The following SGO2 variants were observed in gnomAD, a reference collection of about 807,000 sequenced individuals.
The protein encoded by SGO2 is shugoshin 2.
Under a neutral mutation model 99.5 loss-of-function variants are expected in SGO2, and 68 were observed. The observed-to-expected ratio is 0.68, with a 90% CI of 0.56 to 0.84. The LOEUF (loss-of-function observed/expected upper bound fraction) is 0.84, where lower values mean the gene tolerates loss of function less well. Among genes scored for constraint, SGO2 ranks in the 40% least tolerant of loss-of-function variants. The probability of loss-of-function intolerance (pLI) is 0.00; values close to 1 mark genes in which losing one functional copy is unlikely to be tolerated. For missense variants in SGO2, 1,350 were observed against 1,436.7 expected (o/e 0.94, Z 0.97); for synonymous variants, 457 against 487.1 (o/e 0.94, Z 0.81).
rs555681304 is a variant in SGO2 at position 200,571,214 on chromosome 2, C to T, written c.868C>T (p.Pro290Ser). 1.2e-6 allele frequency: 2 copies of T among 1,613,584 alleles called. No homozygotes were observed. Among genetic ancestry groups the T allele is most frequent in the Admixed American group, 3.3e-5 (2 of 59,990 alleles). The change falls in exon 7 of 9, where the codon CCC (proline) becomes TCC (serine). Residue 290 changes from proline (P) to serine (S), a missense_variant. Coordinates refer to ENST00000357799, the MANE Select transcript of SGO2 (RefSeq NM_152524.6). Reference protein sequence around the residue: ...WESNNLSADTPCATVLDKQHI... With the variant: ...WESNNLSADTSCATVLDKQHI... ...ATCAAATAATCTTTCTGCAGACACT[C>T]CCTGTGCAACAGTTTTAGATAAACA...
At chr2:200,535,319 A>G (rs1275380847) in intron 3 of SGO2, 148 bp downstream of exon 3, 4 of 639,336 alleles carry the variant, frequency 6.3e-6, no homozygotes, top group South Asian at 5.7e-5. Context: ...GTCAAAGTAC[A>G]AACTGTTAAT....
intron 5 of SGO2, among the ~76,000 whole-genome samples, chr2:200,563,351 G>A (rs1176848070): frequency 6.6e-6 from 1 of 152,124 alleles, no homozygotes; most frequent in Non-Finnish European, 1.5e-5. Flanking sequence ...TTTATATGCT[G>A]GATTACGTTT....
intron 5 of SGO2, among the ~76,000 whole-genome samples, chr2:200,552,947 AC>A (rs1187704018): frequency 4.0e-5 from 6 of 150,674 alleles, no homozygotes; most frequent in Admixed American, 1.3e-4. Flanking sequence ...ACACATCCGC[AC>A]CCCCCCGCCC....
At chr2:200,565,347 C>A (rs2033144957) in intron 5 of SGO2, among the ~76,000 whole-genome samples, 1 of 152,174 alleles carries the variant, frequency 6.6e-6, no homozygotes, top group Non-Finnish European at 1.5e-5. Flanking sequence ...ATATGAAATT[C>A]TGGGTTGAAA....
At chr2:200,569,511 A>C in intron 5 of SGO2, 152 bp from the exon 6 acceptor site, 1 of 604,892 alleles carries the variant, frequency 1.7e-6, no homozygotes, top group Non-Finnish European at 2.9e-6. Context: ...GGAACTACTC[A>C]TTTCCTACCT....
At chr2:200,543,491 CTGT>C (rs2032061970) in intron 5 of SGO2, 1 of 152,138 alleles carries the variant, frequency 6.6e-6, no homozygotes, top group African/African-American at 2.4e-5. Context: ...GACCAAAATC[CTGT>C]TGTCTCTTTT....
intron 4 of SGO2, among the ~76,000 whole-genome samples, chr2:200,540,570 G>A (rs10171193): frequency 0.011 from 1,692 of 152,280 alleles, 37 homozygotes; most frequent in African/African-American, 0.038. Context: ...ATAATGAAGG[G>A]GGGAGGTTGT....
intron 4 of SGO2, among the ~76,000 whole-genome samples, chr2:200,539,546 A>G (rs765610741): frequency 3.3e-5 from 5 of 151,440 alleles, no homozygotes; most frequent in African/African-American, 9.7e-5. Context: ...TTTGTGGTTC[A>G]TTGTTACTTT....
chr2:200,534,449 G>T (rs1392657178), intron 2 of SGO2, among the ~76,000 whole-genome samples: 2 of 152,158 alleles, frequency 1.3e-5, no homozygotes, highest in African/African-American at 4.8e-5. Context: ...GGTCCCGTGG[G>T]GTTTAGATTA....
chr2:200,544,692 G>GATCGATCTATCTATCTATCT (rs1553558884), intron 5 of SGO2, among the ~76,000 whole-genome samples: 1 of 145,656 alleles, frequency 6.9e-6, no homozygotes, highest in Non-Finnish European at 1.5e-5. Context: ...TTACTTGGGA[G>GATCGATCTATCTATCTATCT]ATCTATCTAT....
chr2:200,554,709 A>G (rs1026479109), intron 5 of SGO2, among the ~76,000 whole-genome samples: 1 of 152,218 alleles, frequency 6.6e-6, no homozygotes, highest in Non-Finnish European at 1.5e-5. Context: ...TTATATAAGC[A>G]CAAAGAAAGG....
At chr2:200,575,698 T>TCTA (rs3062564) in intron 8 of SGO2, among the ~76,000 whole-genome samples, 45,759 of 151,794 alleles carry the variant, frequency 0.3, 7,267 homozygotes, top group Non-Finnish European at 0.36. Flanking sequence ...AGTTCCCAGT[T>TCTA]CTACTACTGT....
At chr2:200,579,297 T>C (rs765864763) in intron 8 of SGO2, among the ~76,000 whole-genome samples, 20 of 152,224 alleles carry the variant, frequency 1.3e-4, no homozygotes, top group Non-Finnish European at 2.5e-4. Context: ...TATAGTATGA[T>C]ATCATCTGAA....
At chr2:200,578,608 T>A (rs1056544828) in intron 8 of SGO2, among the ~76,000 whole-genome samples, 4 of 152,206 alleles carry the variant, frequency 2.6e-5, no homozygotes, top group South Asian at 4.1e-4. Context: ...TGTCCTTAGC[T>A]TCTTGCCACA....
chr2:200,547,337 C>G (rs1007593134), intron 5 of SGO2, among the ~76,000 whole-genome samples: 40 of 152,132 alleles, frequency 2.6e-4, no homozygotes, highest in Non-Finnish European at 5.0e-4. Context: ...TAAACAAAAG[C>G]TGAGGAAATT....
chr2:200,539,961 G>T (rs1457021115), intron 4 of SGO2, among the ~76,000 whole-genome samples: 1 of 150,718 alleles, frequency 6.6e-6, no homozygotes, highest in Non-Finnish European at 1.5e-5. Flanking sequence ...CAAGTTCAGG[G>T]ATTTCTTTCC....
At chr2:200,533,669 C>G (rs560965914) in intron 2 of SGO2, among the ~76,000 whole-genome samples, 2 of 151,990 alleles carry the variant, frequency 1.3e-5, no homozygotes, top group Non-Finnish European at 2.9e-5. Flanking sequence ...GGAAAACTCC[C>G]CAAGATAAAT....
chr2:200,573,153 G>A lies in SGO2; in HGVS notation c.2807G>A (p.Ser936Asn). ...GATAAAGATGCACATGTCCAAGAAA[G>A]CTATACAAAAGATCTTGATTTTAAA... ...DNDKDAHVQE[S>N]YTKDLDFKVN... The change falls in exon 7 of 9, where the codon AGC becomes AAC. Residue 936 changes from serine (S) to asparagine (N), a missense_variant. Ser to Asn is a conservative substitution (Grantham distance 46). Coordinates refer to ENST00000357799, the MANE Select transcript of SGO2 (RefSeq NM_152524.6). 6.3e-7 allele frequency: 1 copy of A among 1,587,220 alleles called. No homozygotes were observed. Among genetic ancestry groups the A allele is most frequent in the Non-Finnish European group, 8.5e-7 (1 of 1,173,070 alleles).
rs555970400 is a variant in SGO2 at position 200,527,260 on chromosome 2, T to C, written c.-3+1008T>C. Among the ~76,000 whole-genome samples, 168 of 152,336 alleles carry C rather than the reference T, an allele frequency of 1.1e-3. 2 individuals carry two copies. Among genetic ancestry groups the C allele is most frequent in the East Asian group, 5.8e-4 (3 of 5,188 alleles). Reference sequence around the variant, plus strand: ...TGTCGTTTATTAAATTAAGGAATTGTGTCAGAACCAGCTTATTGGGGAGGG... The same window carrying C: ...TGTCGTTTATTAAATTAAGGAATTGCGTCAGAACCAGCTTATTGGGGAGGG... On this transcript the variant is annotated intron_variant, in intron 1 of 8. Transcript: ENST00000357799.
Sources: gnomAD v4.1 joint callset for allele counts (sites outside exome capture counted in the v4.1 genomes callset) on GRCh38, gnomAD v4.1.1 for gene constraint, MANE v1.5 for transcripts, NCBI Gene and HGNC (gene_info 2026-07-23, HGNC 2026-07-21) for gene names.